NXPE1: variants seen among roughly 807,000 people sequenced by gnomAD.
NXPE1 encodes the protein NXPE family member 1.
In NXPE1, 31 loss-of-function variants were observed where a neutral mutation model predicts 33.3. The observed-to-expected ratio is 0.93, with a 90% confidence interval of 0.70 to 1.26. The LOEUF (loss-of-function observed/expected upper bound fraction) is 1.26. NXPE1 is among the 50% of genes most tolerant of loss of function. The pLI, the probability that NXPE1 is intolerant of heterozygous loss-of-function variation, is 0.00. For missense variants in NXPE1, 661 were observed against 655.6 expected (o/e 1.01, Z -0.09); for synonymous variants, 229 against 231.4 (o/e 0.99, Z 0.09).
intron 1 of NXPE1, among the ~76,000 whole-genome samples, chr11:114,555,154 G>A (rs73016130): frequency 0.011 from 1,731 of 151,948 alleles, 13 homozygotes; most frequent in Non-Finnish European, 0.019. Context: ...ATATTTCTGG[G>A]GCATTAACTG....
intron 5 of NXPE1, among the ~76,000 whole-genome samples, chr11:114,536,470 C>A (rs879487028): frequency 6.6e-6 from 1 of 151,918 alleles, no homozygotes; most frequent in Non-Finnish European, 1.5e-5. Flanking sequence ...AAAAACCCTT[C>A]AAAAAAATCA....
intron 6 of NXPE1, 54 bp from the exon 7 acceptor site, chr11:114,527,955 A>T: frequency 7.4e-7 from 1 of 1,355,960 alleles, no homozygotes; most frequent in South Asian, 1.3e-5. Context: ...CATGTAACAC[A>T]GGTGAATCAT....
Position 114,522,303 on chromosome 11 carries a change from TG to T in NXPE1, c.1308del (p.Thr437ProfsTer30). On this transcript the variant is annotated frameshift_variant, in exon 9 of 9. Transcript: ENST00000534921. LOFTEE classifies it low-confidence loss of function (END_TRUNC). ...AATGGTCTAAAGTGCTGGCCAAAGG[TG>T]ATGACGATGGCTGTGTTTTTGTCAC... 1 of 1,614,066 alleles carries T rather than the reference TG, an allele frequency of 6.2e-7. No homozygotes were observed. Among genetic ancestry groups the T allele is most frequent in the Non-Finnish European group, 8.5e-7 (1 of 1,179,966 alleles).
intron 5 of NXPE1, among the ~76,000 whole-genome samples, chr11:114,541,833 A>T (rs753905087): frequency 4.6e-5 from 7 of 152,336 alleles, no homozygotes; most frequent in East Asian, 1.9e-4. Context: ...GAACCAAACA[A>T]TATCTGAGAT....
intron 5 of NXPE1, among the ~76,000 whole-genome samples, chr11:114,545,832 G>C (rs969497324): frequency 1.3e-5 from 2 of 151,864 alleles, no homozygotes; most frequent in Admixed American, 6.6e-5. Flanking sequence ...GGGACTACAG[G>C]GGCACACCAC....
intron 7 of NXPE1, 106 bp downstream of exon 7, chr11:114,527,734 T>G: frequency 1.5e-6 from 1 of 664,280 alleles, no homozygotes; most frequent in Non-Finnish European, 2.5e-6. Flanking sequence ...ATTGACATCA[T>G]AGACATCTGC....
intron 5 of NXPE1, among the ~76,000 whole-genome samples, chr11:114,533,551 A>G (rs1468559082): frequency 6.6e-6 from 1 of 152,202 alleles, no homozygotes; most frequent in Non-Finnish European, 1.5e-5. Context: ...GAAAGGGGTG[A>G]CAGATGGCAC....
chr11:114,537,636 AACAG>A (rs1160374504), intron 5 of NXPE1, among the ~76,000 whole-genome samples: 1 of 152,226 alleles, frequency 6.6e-6, no homozygotes, highest in Admixed American at 6.5e-5. Context: ...ATACACCAGT[AACAG>A]ACAAACAGAG....
downstream of NXPE1, among the ~76,000 whole-genome samples, chr11:114,519,691 G>A (rs993971154): frequency 3.3e-5 from 5 of 152,116 alleles, no homozygotes; most frequent in African/African-American, 4.8e-5. Context: ...GTAGAGTGGT[G>A]CAGAGGCTTC....
chr11:114,558,813 G>A (rs1948715034), intron 1 of NXPE1, among the ~76,000 whole-genome samples: 1 of 152,182 alleles, frequency 6.6e-6, no homozygotes, highest in Non-Finnish European at 1.5e-5. Context: ...CTATGTCCAA[G>A]CAATTCATTC....
At chr11:114,548,267 G>A (rs1249650552) in intron 5 of NXPE1, among the ~76,000 whole-genome samples, 1 of 152,044 alleles carries the variant, frequency 6.6e-6, no homozygotes, top group African/African-American at 2.4e-5. Context: ...TTTATAGCAT[G>A]CCAAGTGAAC....
At chr11:114,538,151 CA>C (rs1210808308) in intron 5 of NXPE1, among the ~76,000 whole-genome samples, 1 of 152,104 alleles carries the variant, frequency 6.6e-6, no homozygotes, top group African/African-American at 2.4e-5. Context: ...TGATCTTTGA[CA>C]AACCTGACAA....
At chr11:114,553,427 A>G (rs796638941) in intron 1 of NXPE1, among the ~76,000 whole-genome samples, 1 of 152,162 alleles carries the variant, frequency 6.6e-6, no homozygotes, top group Admixed American at 6.5e-5. Flanking sequence ...TGATATTTCC[A>G]CTGATGCACT....
At chr11:114,554,810 G>A (rs1376860294) in intron 1 of NXPE1, among the ~76,000 whole-genome samples, 1 of 152,150 alleles carries the variant, frequency 6.6e-6, no homozygotes, top group African/African-American at 2.4e-5. Flanking sequence ...AGAAGCTAGT[G>A]AAAATAAAGG....
chr11:114,542,637 G>C (rs1473451442), intron 5 of NXPE1, among the ~76,000 whole-genome samples: 1 of 152,082 alleles, frequency 6.6e-6, no homozygotes, highest in Non-Finnish European at 1.5e-5. Context: ...TGAAGTAAAA[G>C]GACATTACTT....
chr11:114,530,321 T>G (rs1947532666), exon 6 of NXPE1: 1 of 1,613,996 alleles, frequency 6.2e-7, no homozygotes, highest in Admixed American at 1.7e-5. Flanking sequence ...ATTCACAGAG[T>G]TCAGCATTTG....
chr11:114,541,140 G>A (rs116242060), intron 5 of NXPE1, among the ~76,000 whole-genome samples: 136 of 152,136 alleles, frequency 8.9e-4, no homozygotes, highest in African/African-American at 3.0e-3. Context: ...CAAGTTAATC[G>A]ATTGCCTGCC....
intron 5 of NXPE1, among the ~76,000 whole-genome samples, chr11:114,539,687 T>G (rs569491904): frequency 5.2e-4 from 79 of 152,258 alleles, no homozygotes; most frequent in Non-Finnish European, 1.1e-3. Context: ...ATATAATCAT[T>G]TATAAAGAGG....
chr11:114,526,808 T>C (rs1947383586), intron 7 of NXPE1: 1 of 152,196 alleles, frequency 6.6e-6, no homozygotes, highest in South Asian at 2.1e-4. Flanking sequence ...GTCCATGCAA[T>C]ATTTTCCCCT....
Sources: allele counts gnomAD v4.1 joint callset (sites outside exome capture counted in the v4.1 genomes callset), GRCh38; gene constraint gnomAD v4.1.1; transcripts MANE v1.5; gene names NCBI Gene and HGNC (gene_info 2026-07-23, HGNC 2026-07-21).